CRNKL1: variants seen among roughly 807,000 people sequenced by gnomAD.
CRNKL1 encodes the protein crooked neck-like protein 1.
In CRNKL1, 35 loss-of-function variants were observed where a neutral mutation model predicts 103.7. That is an observed-to-expected ratio of 0.34 (90% CI 0.26 to 0.45). CRNKL1 has a LOEUF of 0.45. Ranked by LOEUF, CRNKL1 falls within the 20% of genes least tolerant of loss-of-function variation. CRNKL1 has a pLI of 1.00. For synonymous variants in CRNKL1, 267 were observed against 282.6 expected, an observed-to-expected ratio of 0.94 and a Z score of 0.55; for missense variants, 645 against 836.0, an observed-to-expected ratio of 0.77 and a Z score of 2.82.
intron 10 of CRNKL1, among the ~76,000 whole-genome samples, chr20:20,040,330 C>CAAAAAAAAAA (rs781058387): frequency 3.8e-5 from 3 of 79,286 alleles, no homozygotes; most frequent in Admixed American, 2.6e-4. Context: ...ACCAAACAAA[C>CAAAAAAAAAA]AAAAAAAAAA....
chr20:20,045,412 G>C lies in CRNKL1; in HGVS notation c.697C>G (p.His233Asp). 6.2e-7 allele frequency: 1 copy of C among 1,613,442 alleles called. No individual in the cohort carries two copies. Among genetic ancestry groups the C allele is most frequent in the South Asian group, 1.1e-5 (1 of 91,028 alleles). Residue 233 changes from histidine to aspartate, a missense_variant, in exon 6 of 14, where the codon CAT (histidine) becomes GAT (aspartate). Around this residue, in one of 2 missense-constraint regions of CRNKL1, gnomAD observed 582 missense variants for 707.7 expected, o/e 0.82. Coordinates refer to ENST00000536226, the MANE Select transcript of CRNKL1 (RefSeq NM_001278628.2). Reference sequence around the variant, plus strand: ...GCTCTCTCATACACTTTCCGTGCATGGGCAAAATAAGCATGTTTTTCTTCA... The same window carrying C: ...GCTCTCTCATACACTTTCCGTGCATCGGCAAAATAAGCATGTTTTTCTTCA... ...RFEEKHAYFA[H>D]ARKVYERAVE... is the part of the protein sequence containing the mutation.
intron 4 of CRNKL1, 99 bp downstream of exon 4, chr20:20,048,244 G>A (rs1219956909): frequency 7.6e-7 from 1 of 1,318,488 alleles, no homozygotes; most frequent in Non-Finnish European, 1.1e-6. Context: ...GAAAAAGTAG[G>A]ATATCAAATT....
chr20:20,052,552 G>T (rs748147610), upstream of CRNKL1: 1 of 1,614,018 alleles, frequency 6.2e-7, no homozygotes, highest in African/African-American at 1.3e-5. Flanking sequence ...TCCTCCTTGC[G>T]GCAGCGCGTG....
Position 20,047,654 on chromosome 20 carries a change from CT to C in CRNKL1, c.622+110del, listed in dbSNP as rs547979656. ...GAAGCTGATAAACTGGCATTCTTGA[CT>C]TTGAGCCTGACATTAATGACTGTGT... On this transcript the variant is annotated intron_variant, in intron 5 of 13. Transcript: ENST00000536226. 1,826 of 1,091,366 alleles carry C rather than the reference CT, an allele frequency of 1.7e-3. 1 individual carries two copies. The highest frequency in any genetic ancestry group is 2.1e-3 in the Non-Finnish European group (1,640 of 796,540). The allele number at this position is 1,091,366 out of a possible 1,614,324, so 67.6% of individuals were successfully genotyped here.
chr20:20,049,093 T>C (rs779283178), intron 3 of CRNKL1, among the ~76,000 whole-genome samples: 18 of 150,138 alleles, frequency 1.2e-4, no homozygotes, highest in Non-Finnish European at 2.7e-4. Context: ...GCAAATGAAA[T>C]TGTGCTTCTT....
intron 9 of CRNKL1, 106 bp downstream of exon 9, chr20:20,041,460 G>T: frequency 1.1e-6 from 1 of 899,886 alleles, no homozygotes; most frequent in Non-Finnish European, 1.8e-6. Flanking sequence ...TCCATGGTGG[G>T]ACAGGGAAGC....
chr20:20,039,518 T>C (rs139364938), intron 11 of CRNKL1, 91 bp downstream of exon 11: 3 of 1,456,904 alleles, frequency 2.1e-6, no homozygotes, highest in South Asian at 1.3e-5. Context: ...ATCATCGTTA[T>C]ACTCTAAAAT....
intron 12 of CRNKL1, 105 bp downstream of exon 12, chr20:20,038,238 TAAAAAA>T: frequency 1.9e-6 from 1 of 520,060 alleles, no homozygotes; most frequent in South Asian, 2.4e-5. Flanking sequence ...AGGAAGTCAT[TAAAAAA>T]AAAAAAAAAA....
Position 20,036,270 on chromosome 20 carries a change from C to T in CRNKL1, c.1989G>A (p.Leu663=). 1 of 1,614,212 alleles carries T rather than the reference C, an allele frequency of 6.2e-7. No individual in the cohort carries two copies. Among genetic ancestry groups the T allele is most frequent in the Non-Finnish European group, 8.5e-7 (1 of 1,180,030 alleles). Residue 663 remains leucine (L), a synonymous_variant, in exon 14 of 14, where the codon CTG becomes CTA. Coordinates refer to ENST00000536226, the MANE Select transcript of CRNKL1 (RefSeq NM_001278628.2). ...CCTTTTCCTGCTGCTGTTTCTTCCA[C>T]AGTTTGGCCATGGCCAGGAGTTTGA... ...PNLKLLAMAK[L]WKKQQQEKED...
chr20:20,052,844 T>A (rs1230883738), upstream of CRNKL1: 1 of 932,762 alleles, frequency 1.1e-6, no homozygotes. Flanking sequence ...TAGGCTGCAA[T>A]GCCTCGAGCA....
At chr20:20,055,910 G>T, upstream of CRNKL1, 1 of 1,465,394 alleles carries the variant, frequency 6.8e-7, no homozygotes, top group South Asian at 1.1e-5. Context: ...CAGAAATTGA[G>T]ACAATGAGAG....
At position 20,034,555 on chromosome 20, in the gene CRNKL1, AT is replaced by A. The variant is rs2043388165; in HGVS notation, c.*1639del. ...TTATGCATTCATGCAACATAAACAGATAATTCTAGGAAGACTGTGATTAAGT... is the reference window on the plus strand; with the variant it reads ...TTATGCATTCATGCAACATAAACAGAAATTCTAGGAAGACTGTGATTAAGT... On this transcript the variant is annotated 3_prime_UTR_variant, in exon 14 of 14. Transcript: ENST00000536226. 6.6e-6 allele frequency: 1 copy of A among 152,168 alleles called. No individual in the cohort carries two copies. The highest frequency in any genetic ancestry group is 2.4e-5 in the African/African-American group (1 of 41,422). 9.4% of individuals were successfully genotyped at this position (152,168 alleles called of 1,614,324 possible).
intron 7 of CRNKL1, 138 bp downstream of exon 7, chr20:20,043,354 T>C: frequency 1.2e-6 from 1 of 816,270 alleles, no homozygotes; most frequent in Non-Finnish European, 1.9e-6. Context: ...CTGAAATAGC[T>C]GCCAATTGGA....
chr20:20,034,771 T>C lies in CRNKL1; in HGVS notation c.*1424A>G, dbSNP rs975963078. On this transcript the variant is annotated 3_prime_UTR_variant, in exon 14 of 14. Transcript: ENST00000536226. Reference sequence around the variant, plus strand: ...AAAACAGATTTTATCTCAACAACAGTCCTAGTTTCTTCTGTCCTCAAACAC... The same window carrying C: ...AAAACAGATTTTATCTCAACAACAGCCCTAGTTTCTTCTGTCCTCAAACAC... The C allele has an allele frequency of 3.3e-5, 5 of 152,212 alleles. No individual in the cohort carries two copies. The highest frequency in any genetic ancestry group is 6.5e-5 in the Admixed American group (1 of 15,284). 9.4% of individuals were successfully genotyped at this position (152,212 alleles called of 1,614,324 possible).
At chr20:20,048,658 C>T (rs1207915762) in intron 3 of CRNKL1, among the ~76,000 whole-genome samples, 157 bp from the exon 4 acceptor site, 3 of 152,132 alleles carry the variant, frequency 2.0e-5, no homozygotes, top group Non-Finnish European at 4.4e-5. Flanking sequence ...CTCTCAAGTA[C>T]CTTACAAAGT....
In CRNKL1 at chr20:20,047,851, T is replaced by A. The variant is rs2043618339; in HGVS notation, c.536A>T (p.Gln179Leu). The change falls in exon 5 of 14, where the codon CAG becomes CTG. Residue 179 changes from glutamine to leucine, a missense_variant. This residue lies in a region of CRNKL1 where 582 missense variants were observed against 707.7 expected (regional missense o/e 0.82). Coordinates refer to ENST00000536226, the MANE Select transcript of CRNKL1 (RefSeq NM_001278628.2). ...RQVFERWMEW[Q>L]PEEQAWHSYI... ...GGAGTGCCAGGCTTGCTCCTCAGGC[T>A]GCCACTCCATCCAGCGCTCAAACAC... 6.2e-7 allele frequency: 1 copy of A among 1,614,144 alleles called. No individual in the cohort carries two copies. Among genetic ancestry groups the A allele is most frequent in the African/African-American group, 1.3e-5 (1 of 74,952 alleles).
At position 20,037,444 on chromosome 20, in the gene CRNKL1, A is replaced by G. The variant is rs200053815; in HGVS notation, c.1775T>C (p.Met592Thr). Residue 592 changes from methionine (M) to threonine (T), a missense_variant, in exon 13 of 14, where the codon ATG (methionine) becomes ACG (threonine). Physicochemically the swap from Met to Thr is moderately conservative, Grantham distance 81. This residue lies in a region of CRNKL1 where 582 missense variants were observed against 707.7 expected (regional missense o/e 0.82). Coordinates refer to ENST00000536226, the MANE Select transcript of CRNKL1 (RefSeq NM_001278628.2). ...RNCEEKEERL[M>T]LLESWRSFEE... ...AAAACTTCGCCAAGATTCCAGCAGCATAAGTCTCTCTTCCTTTTCTTCACA... is the reference window on the plus strand; with the variant it reads ...AAAACTTCGCCAAGATTCCAGCAGCGTAAGTCTCTCTTCCTTTTCTTCACA... 180 of 1,614,168 alleles carry G rather than the reference A, an allele frequency of 1.1e-4. 1 individual carries two copies. The highest frequency in any genetic ancestry group is 1.2e-4 in the South Asian group (11 of 91,090).
At chr20:20,041,746 A>T in intron 8 of CRNKL1, 121 bp from the exon 9 acceptor site, 2 of 687,846 alleles carry the variant, frequency 2.9e-6, no homozygotes, top group Non-Finnish European at 5.0e-6. Context: ...ATGTTTCACA[A>T]GTTGTTACTT....
At chr20:20,048,861 T>C (rs2043637422) in intron 3 of CRNKL1, among the ~76,000 whole-genome samples, 2 of 152,076 alleles carry the variant, frequency 1.3e-5, no homozygotes, top group South Asian at 4.1e-4. Flanking sequence ...GGGGTGCTCA[T>C]TCCAGGCAAG....
Sources: gnomAD v4.1 joint callset for allele counts (sites outside exome capture counted in the v4.1 genomes callset) on GRCh38, gnomAD v4.1.1 for gene constraint, gnomAD v4.1.1 regional missense constraint, MANE v1.5 for transcripts, NCBI Gene and HGNC (gene_info 2026-07-23, HGNC 2026-07-21) for gene names.